UNC45A: variants seen among roughly 807,000 people sequenced by gnomAD.
UNC45A encodes unc-45 myosin chaperone A.
UNC45A carries 78 observed loss-of-function variants against 103.2 expected under a neutral mutation model. The observed-to-expected ratio is 0.76, with a 90% CI of 0.63 to 0.91. UNC45A has a LOEUF of 0.91. Among genes scored for constraint, UNC45A ranks in the 40% least tolerant of loss-of-function variants. The pLI, the probability that UNC45A is intolerant of heterozygous loss-of-function variation, is 0.00. For missense variants in UNC45A, 1,193 were observed against 1,224.8 expected (o/e 0.97, Z 0.39); for synonymous variants, 495 against 504.6 (o/e 0.98, Z 0.25).
intron 15 of UNC45A, 42 bp from the exon 16 acceptor site, chr15:90,950,112 C>T: frequency 1.3e-6 from 2 of 1,538,070 alleles, no homozygotes; most frequent in Middle Eastern, 2.0e-4. Flanking sequence ...CGGGGTCTTA[C>T]TCCCAGGGAT....
upstream of UNC45A, chr15:90,931,382 C>G: frequency 6.4e-7 from 1 of 1,563,408 alleles, no homozygotes; most frequent in Non-Finnish European, 8.7e-7. Context: ...TCGAAGTATT[C>G]CTGGACTCGA....
chr15:90,944,329 G>A (rs1265548148), intron 8 of UNC45A, among the ~76,000 whole-genome samples: 2 of 152,048 alleles, frequency 1.3e-5, no homozygotes, highest in Non-Finnish European at 2.9e-5. Context: ...GGAGGCTGCA[G>A]TGAGCCGAGA....
chr15:90,935,347 C>T lies in UNC45A; in HGVS notation c.23C>T (p.Thr8Ile), dbSNP rs771080947. 24 of 1,603,336 alleles carry T rather than the reference C, an allele frequency of 1.5e-5. No individual in the cohort carries two copies. The highest frequency in any genetic ancestry group is 2.0e-5 in the Non-Finnish European group (24 of 1,176,140). ...GCGATGACTGTGAGTGGTCCAGGGA[C>T]CCCCGAGCCCCGGCCGGCCACCCCC... Reference protein sequence around the residue: MTVSGPGTPEPRPATPGA... With the variant: MTVSGPGIPEPRPATPGA... Residue 8 changes from threonine to isoleucine, a missense_variant, in exon 1 of 20, where the codon ACC becomes ATC. Coordinates refer to ENST00000418476, the MANE Select transcript of UNC45A (RefSeq NM_018671.5).
chr15:90,937,393 A>AT (rs2036072790), intron 4 of UNC45A, among the ~76,000 whole-genome samples: 1 of 152,200 alleles, frequency 6.6e-6, no homozygotes, highest in Non-Finnish European at 1.5e-5. Context: ...CACATATAGT[A>AT]TAATATCATT....
In UNC45A at chr15:90,946,603, G is replaced by A. The variant is rs376936464; in HGVS notation, c.1200-11G>A. The A allele has an allele frequency of 2.8e-5, 45 of 1,592,150 alleles. No individual in the cohort carries two copies. The highest frequency in any genetic ancestry group is 3.5e-5 in the Non-Finnish European group (41 of 1,167,222). ...GCCTTGGTGTGACGGCTGTCACCCT[G>A]TGCCCCTCAGGAGCTGGTTTGAGGG... is the stretch of plus-strand genomic sequence containing the variant. On this transcript the variant is annotated splice_polypyrimidine_tract_variant and intron_variant, in intron 9 of 19. Coordinates refer to ENST00000418476, the MANE Select transcript of UNC45A (RefSeq NM_018671.5).
chr15:90,940,454 G>A lies in UNC45A; in HGVS notation c.668G>A (p.Cys223Tyr). The A allele has an allele frequency of 1.2e-6, 2 of 1,613,788 alleles. No individual in the cohort carries two copies. The highest frequency in any genetic ancestry group is 1.7e-6 in the Non-Finnish European group (2 of 1,179,782). ...LAALRTLVGI[C>Y]SEHQSRTVAT... is the part of the protein sequence containing the mutation. ...GCTCTGCGTACGCTGGTTGGCATTT[G>A]CTCTGAGCATCAGTCACGGGTAGGT... Residue 223 changes from cysteine (C) to tyrosine (Y), a missense_variant, in exon 6 of 20, where the codon TGC (cysteine) becomes TAC (tyrosine). By Grantham distance (194) the Cys-to-Tyr change is radical. Transcript: ENST00000418476.
At chr15:90,934,532 G>T (rs1334400077), upstream of UNC45A, 1 of 398,930 alleles carries the variant, frequency 2.5e-6, no homozygotes, top group East Asian at 3.6e-5. Context: ...CCGCTCTTCC[G>T]CCCCCGCCCA....
rs1299319703 is a variant in UNC45A, at chr15:90,953,021, T to G, written c.2396T>G (p.Met799Arg). The G allele has an allele frequency of 6.2e-7, 1 of 1,613,468 alleles. No individual in the cohort carries two copies. The highest frequency in any genetic ancestry group is 1.7e-5 in the Admixed American group (1 of 59,994). Residue 799 changes from methionine to arginine, a missense_variant, in exon 18 of 20, where the codon ATG becomes AGG. Met to Arg is a moderately conservative substitution (Grantham distance 91). Coordinates refer to ENST00000418476, the MANE Select transcript of UNC45A (RefSeq NM_018671.5). ...EMIRRAATEC[M>R]CNLAMSKEVQ... ...ATCCGCCGGGCAGCCACGGAGTGCA[T>G]GTGTAACTTGGCCATGAGCAAGGAG... is the stretch of plus-strand genomic sequence containing the variant.
At chr15:90,932,920 C>G, upstream of UNC45A, 1 of 194,180 alleles carries the variant, frequency 5.1e-6, no homozygotes, top group East Asian at 1.2e-4. Context: ...ACAATCCCCA[C>G]ACCCTCAGAG....
intron 12 of UNC45A, 84 bp from the exon 13 acceptor site, chr15:90,948,570 A>G (rs372635980): frequency 6.4e-7 from 1 of 1,557,894 alleles, no homozygotes; most frequent in Middle Eastern, 1.8e-4. Context: ...TGAGGGTGGA[A>G]TTGGGGGCCT....
Position 90,946,853 on chromosome 15 carries a change from C to T in UNC45A, c.1439C>T (p.Ser480Leu), listed in dbSNP as rs376093795. The change falls in exon 10 of 20, where the codon TCG becomes TTG. Residue 480 changes from serine (S) to leucine (L), a missense_variant. Ser to Leu is a moderately radical substitution (Grantham distance 145). Transcript: ENST00000418476. Reference protein sequence around the residue: ...RASFITANGVSLLKDLYKCSE... With the variant: ...RASFITANGVLLLKDLYKCSE... ...TCATTCATCACTGCCAATGGTGTCTCGCTGCTGAAGGACCTATATAAGTGC... is the reference window on the plus strand; with the variant it reads ...TCATTCATCACTGCCAATGGTGTCTTGCTGCTGAAGGACCTATATAAGTGC... 30 of 1,612,524 alleles carry T rather than the reference C, an allele frequency of 1.9e-5. No homozygotes were observed. The highest frequency in any genetic ancestry group is 2.7e-5 in the African/African-American group (2 of 74,854).
At chr15:90,935,188 C>G, upstream of UNC45A, 1 of 865,074 alleles carries the variant, frequency 1.2e-6, no homozygotes, top group Non-Finnish European at 1.8e-6. Flanking sequence ...CGGGCGCGCT[C>G]CCTCCTTAGC....
chr15:90,946,677 C>G lies in UNC45A; in HGVS notation c.1263C>G (p.Leu421=). The G allele has an allele frequency of 6.2e-7, 1 of 1,612,420 alleles. No individual in the cohort carries two copies. The highest frequency in any genetic ancestry group is 1.1e-5 in the South Asian group (1 of 90,976). ...GGGCCATCCAGACGGTGTCCTGCCT[C>G]CTGCAGGGCCCATGTGACGCTGGCA... ...KLRAIQTVSC[L]LQGPCDAGNR... Residue 421 remains leucine, a synonymous_variant, in exon 10 of 20, where the codon CTC becomes CTG. Transcript: ENST00000418476.
Position 90,949,350 on chromosome 15 carries a change from A to G in UNC45A, c.1913A>G (p.Lys638Arg). 1 of 1,613,424 alleles carries G rather than the reference A, an allele frequency of 6.2e-7. No homozygotes were observed. ...AGCTTCGTGCGGGCTCGGGTGAAGA[A>G]GCTGCTGGCAGCGGGTGTGGTGTCG... ...KPSFVRARVK[K>R]LLAAGVVSAM... Residue 638 changes from lysine (K) to arginine (R), a missense_variant, in exon 14 of 20, where the codon AAG (lysine) becomes AGG (arginine). Transcript: ENST00000418476.
chr15:90,944,565 G>A (rs566703554), intron 8 of UNC45A, among the ~76,000 whole-genome samples: 13 of 152,086 alleles, frequency 8.5e-5, no homozygotes, highest in African/African-American at 3.1e-4. Flanking sequence ...ACGAGGTGTG[G>A]GTATCGTGTT....
In UNC45A at chr15:90,947,858, C is replaced by T. The variant is rs758649346; in HGVS notation, c.1563C>T (p.Gly521=). Reference sequence around the variant, plus strand: ...TCAGCATGAAGCAGTTTGCTGAAGGCTCCACTCTCAAACTGGCTAAGCAGT... The same window carrying T: ...TCAGCATGAAGCAGTTTGCTGAAGGTTCCACTCTCAAACTGGCTAAGCAGT... ...TDFSMKQFAE[G]STLKLAKQCR... The change falls in exon 11 of 20, where the codon GGC becomes GGT. Residue 521 remains glycine (G), a synonymous_variant. Coordinates refer to ENST00000418476, the MANE Select transcript of UNC45A (RefSeq NM_018671.5). 3 of 1,614,066 alleles carry T rather than the reference C, an allele frequency of 1.9e-6. No homozygotes were observed. Among genetic ancestry groups the T allele is most frequent in the Non-Finnish European group, 1.7e-6 (2 of 1,180,000 alleles).
At chr15:90,934,894 A>C, upstream of UNC45A, 1 of 444,022 alleles carries the variant, frequency 2.3e-6, no homozygotes, top group East Asian at 3.5e-5. Context: ...AGAGCGCAGC[A>C]GCGAGAGCGC....
intron 5 of UNC45A, among the ~76,000 whole-genome samples, chr15:90,940,098 AC>A (rs1477701233): frequency 1.3e-5 from 2 of 152,088 alleles, no homozygotes; most frequent in Non-Finnish European, 2.9e-5. Flanking sequence ...TCTGCTGGGG[AC>A]TCATTTGCTC....
intron 7 of UNC45A, 35 bp downstream of exon 7, chr15:90,942,640 T>C: frequency 6.2e-7 from 1 of 1,613,834 alleles, no homozygotes; most frequent in Non-Finnish European, 8.5e-7. Flanking sequence ...TTTTGGACGT[T>C]ACTGTCATGG....
Sources: gnomAD v4.1 joint callset for allele counts (sites outside exome capture counted in the v4.1 genomes callset) on GRCh38, gnomAD v4.1.1 for gene constraint, MANE v1.5 for transcripts, NCBI Gene and HGNC (gene_info 2026-07-23, HGNC 2026-07-21) for gene names.